Variants in CELF2 observed in about 807,000 individuals in gnomAD.
CELF2 encodes CUGBP Elav-like family member 2.
A neutral mutation model predicts 62.6 loss-of-function variants in CELF2; 8 were observed. The observed-to-expected ratio is 0.13, with a 90% CI of 0.07 to 0.23. The LOEUF is 0.23. Among genes scored for constraint, CELF2 ranks in the 10% least tolerant of loss-of-function variants. The pLI is 1.00. For missense variants in CELF2, 333 were observed against 671.0 expected, an observed-to-expected ratio of 0.50 and a Z score of 5.56; for synonymous variants, 258 against 250.0, an observed-to-expected ratio of 1.03 and a Z score of -0.30.
chr10:11,245,845 G>A (rs764642414), intron 3 of CELF2, among the ~76,000 whole-genome samples: 6 of 152,256 alleles, frequency 3.9e-5, no homozygotes, highest in East Asian at 3.9e-4. Flanking sequence ...GTTCTTAACC[G>A]AAGGCTCATA....
chr10:11,198,967 A>G (rs1213922264), intron 2 of CELF2, among the ~76,000 whole-genome samples: 1 of 152,220 alleles, frequency 6.6e-6, no homozygotes, highest in Admixed American at 6.5e-5. Context: ...AATAGGGAAA[A>G]CATAAAACAA....
chr10:10,623,071 G>T, the CELF2 span, among the ~76,000 whole-genome samples: 1 of 107,826 alleles, frequency 9.3e-6, no homozygotes, highest in South Asian at 3.1e-4. Context: ...GGGCGACAGA[G>T]AGAGACTCCG....
chr10:11,309,780 A>T lies in CELF2; in HGVS notation c.977-4359A>T, dbSNP rs2094465481. Among the ~76,000 whole-genome samples, 1 of 152,180 alleles carries T rather than the reference A, an allele frequency of 6.6e-6. No homozygotes were observed. Among genetic ancestry groups the T allele is most frequent in the African/African-American group, 2.4e-5 (1 of 41,444 alleles). Reference sequence around the variant, plus strand: ...TGGTCTACTTTGCCATCATGGAGCTACTGCCTACTCTTAATTGCTCACCAA... The same window carrying T: ...TGGTCTACTTTGCCATCATGGAGCTTCTGCCTACTCTTAATTGCTCACCAA... On this transcript the variant is annotated intron_variant, in intron 9 of 12. Coordinates refer to ENST00000633077, the MANE Select transcript of CELF2 (RefSeq NM_001326342.2). The surrounding 1 kb of genome is among the most constrained non-coding windows in gnomAD (Gnocchi z 5.6).
the CELF2 span, among the ~76,000 whole-genome samples, chr10:10,511,478 T>G: frequency 6.6e-6 from 1 of 152,044 alleles, no homozygotes; most frequent in Admixed American, 6.5e-5. Flanking sequence ...TATTTATATA[T>G]GGGTGTGTTT....
rs544559044 is a variant in CELF2, at chr10:11,308,538, A to G, written c.977-5601A>G. On this transcript the variant is annotated intron_variant, in intron 9 of 12. Transcript: ENST00000633077. ...CAACTCAAACCAACTGTGGAGCCCT[A>G]TGGTGAATTTTTCATTTTGGTTTTT... Among the ~76,000 whole-genome samples, 10 of 152,326 alleles carry G rather than the reference A, an allele frequency of 6.6e-5. No individual in the cohort carries two copies. In the South Asian group the frequency reaches 1.2e-3, roughly 19 times the overall value.
chr10:11,245,839 T>C (rs2075427010), intron 3 of CELF2, among the ~76,000 whole-genome samples: 1 of 152,230 alleles, frequency 6.6e-6, no homozygotes, highest in African/African-American at 2.4e-5. Flanking sequence ...CATGCCGTTC[T>C]TAACCGAAGG....
At chr10:10,491,647 AT>A in the CELF2 span, among the ~76,000 whole-genome samples, 1 of 152,118 alleles carries the variant, frequency 6.6e-6, no homozygotes, top group Admixed American at 6.5e-5. Context: ...GTGAATTCCT[AT>A]CTCTAATCTC....
chr10:10,679,715 T>C, the CELF2 span, among the ~76,000 whole-genome samples: 1 of 152,352 alleles, frequency 6.6e-6, no homozygotes, highest in African/African-American at 2.4e-5. Flanking sequence ...TATTGACATT[T>C]CAAAATAAAA....
At chr10:10,965,034 T>C (rs745818902) in intron 2 of CELF2, among the ~76,000 whole-genome samples, 7 of 152,182 alleles carry the variant, frequency 4.6e-5, no homozygotes, top group Non-Finnish European at 7.3e-5. Context: ...TATTTACATA[T>C]ACAATTCAAT....
intron 2 of CELF2, among the ~76,000 whole-genome samples, chr10:11,193,045 A>G (rs2076610664): frequency 6.6e-6 from 1 of 152,092 alleles, no homozygotes; most frequent in Non-Finnish European, 1.5e-5. Flanking sequence ...TTTTCTTAAC[A>G]TTGTTTCCAA....
the CELF2 span, among the ~76,000 whole-genome samples, chr10:10,770,825 GTT>G: frequency 6.6e-6 from 1 of 152,052 alleles, no homozygotes; most frequent in African/African-American, 2.4e-5. Context: ...TGCTTGATGT[GTT>G]ATCCATCCCA....
intron 2 of CELF2, among the ~76,000 whole-genome samples, chr10:11,193,629 A>G (rs1186924068): frequency 1.3e-5 from 2 of 152,126 alleles, no homozygotes. Flanking sequence ...GGAGGAAGAG[A>G]CTTAAACCCA....
At chr10:10,689,364 A>C in the CELF2 span, among the ~76,000 whole-genome samples, 2 of 152,130 alleles carry the variant, frequency 1.3e-5, no homozygotes, top group African/African-American at 4.8e-5. Flanking sequence ...AGCAAGGTGG[A>C]AAATCTGCCC....
intron 1 of CELF2, among the ~76,000 whole-genome samples, chr10:10,903,298 G>T (rs1327816625): frequency 6.6e-6 from 1 of 152,198 alleles, no homozygotes; most frequent in Non-Finnish European, 1.5e-5. Context: ...TCTGCTCCCA[G>T]GATGTCAGAT....
chr10:10,999,463 T>C (rs1475540465), intron 2 of CELF2, among the ~76,000 whole-genome samples: 1 of 152,204 alleles, frequency 6.6e-6, no homozygotes, highest in Non-Finnish European at 1.5e-5. Flanking sequence ...GCGATGAGCA[T>C]GGAAGCACAC....
intron 2 of CELF2, among the ~76,000 whole-genome samples, chr10:11,167,791 G>C (rs1047836114): frequency 6.6e-6 from 1 of 152,214 alleles, no homozygotes; most frequent in African/African-American, 2.4e-5. Context: ...CTCAGACCCT[G>C]TGTCAGGAGC....
chr10:10,491,364 G>T, the CELF2 span, among the ~76,000 whole-genome samples: 1 of 152,152 alleles, frequency 6.6e-6, no homozygotes. Context: ...ACTAAATGAG[G>T]TTTCCTGCAG....
intron 1 of CELF2, among the ~76,000 whole-genome samples, chr10:11,131,708 G>A (rs2059651452): frequency 6.6e-6 from 1 of 152,224 alleles, no homozygotes; most frequent in East Asian, 1.9e-4. Flanking sequence ...GCTATAAACT[G>A]TGATCCATAG....
intron 1 of CELF2, among the ~76,000 whole-genome samples, chr10:11,007,775 G>A (rs551991336): frequency 6.6e-6 from 1 of 152,272 alleles, no homozygotes; most frequent in Admixed American, 6.5e-5. Context: ...TGGGTTGGGA[G>A]GAAAGTAGCC....
Sources: allele counts gnomAD v4.1 joint callset (sites outside exome capture counted in the v4.1 genomes callset), GRCh38; gene constraint gnomAD v4.1.1; non-coding constraint Gnocchi (gnomAD v3.1); transcripts MANE v1.5; gene names NCBI Gene and HGNC (gene_info 2026-07-23, HGNC 2026-07-21).